The following HPSE2 variants were observed in gnomAD, a reference collection of about 807,000 sequenced individuals.
The protein encoded by HPSE2 is inactive heparanase-2.
Under a neutral mutation model 60.5 loss-of-function variants are expected in HPSE2, and 38 were observed. The observed-to-expected ratio is 0.63, with a 90% CI of 0.48 to 0.82. HPSE2 has a LOEUF of 0.82. HPSE2 is among the 40% of genes least tolerant of loss of function. HPSE2 has a pLI of 0.00. For synonymous variants in HPSE2, 295 were observed against 293.2 expected (o/e 1.01, Z -0.06); for missense variants, 713 against 740.4 (o/e 0.96, Z 0.43).
intron 3 of HPSE2, among the ~76,000 whole-genome samples, chr10:98,941,172 C>G (rs1163148983): frequency 2.2e-5 from 3 of 138,854 alleles, no homozygotes; most frequent in Non-Finnish European, 4.6e-5. Flanking sequence ...AAAACTGGCA[C>G]AAGACAGGGA....
intron 6 of HPSE2, among the ~76,000 whole-genome samples, chr10:98,693,640 T>G (rs535580687): frequency 3.9e-5 from 6 of 152,360 alleles, no homozygotes; most frequent in Admixed American, 6.5e-5. Flanking sequence ...GATGACAGAT[T>G]AATTTAAAAG....
intron 3 of HPSE2, among the ~76,000 whole-genome samples, chr10:99,041,978 A>C (rs899190564): frequency 6.6e-6 from 1 of 152,144 alleles, no homozygotes; most frequent in South Asian, 2.1e-4. Context: ...TATTACATAC[A>C]CACATATTTG....
chr10:98,820,736 A>C (rs1339950737), intron 3 of HPSE2, among the ~76,000 whole-genome samples: 1 of 152,208 alleles, frequency 6.6e-6, no homozygotes, highest in East Asian at 1.9e-4. Context: ...TATTATAGCC[A>C]GCAATTAGGT....
At chr10:98,639,690 G>A (rs1946588161) in intron 7 of HPSE2, among the ~76,000 whole-genome samples, 1 of 152,190 alleles carries the variant, frequency 6.6e-6, no homozygotes, top group Admixed American at 6.5e-5. Flanking sequence ...TATGGTTAAG[G>A]CATATGCAGT....
chr10:99,184,638 TA>T, intron 2 of HPSE2, among the ~76,000 whole-genome samples: 2 of 142,442 alleles, frequency 1.4e-5, no homozygotes, highest in East Asian at 4.2e-4. Flanking sequence ...TAATGAGAAC[TA>T]TAAAATGTAT....
intron 3 of HPSE2, among the ~76,000 whole-genome samples, chr10:98,766,956 C>A (rs1175642410): frequency 2.0e-5 from 3 of 151,966 alleles, no homozygotes; most frequent in Admixed American, 1.3e-4. Context: ...AAAAACCCCA[C>A]AATATTAACT....
At chr10:98,944,855 T>C (rs1955132680) in intron 3 of HPSE2, among the ~76,000 whole-genome samples, 3 of 152,158 alleles carry the variant, frequency 2.0e-5, no homozygotes, top group Admixed American at 2.0e-4. Context: ...TTCTCCACAC[T>C]GCTAACTTTG....
chr10:99,185,301 T>C (rs576294983), intron 2 of HPSE2, among the ~76,000 whole-genome samples: 32 of 150,034 alleles, frequency 2.1e-4, no homozygotes, highest in African/African-American at 6.6e-4. Flanking sequence ...AAAGACTCTG[T>C]CTCAAAAAAA....
At chr10:99,033,067 G>A (rs1237698730) in intron 3 of HPSE2, among the ~76,000 whole-genome samples, 2 of 152,182 alleles carry the variant, frequency 1.3e-5, no homozygotes, top group African/African-American at 4.8e-5. Flanking sequence ...TGGATATTGG[G>A]AATGGAGGAG....
At chr10:98,532,459 A>T (rs185130517) in intron 9 of HPSE2, among the ~76,000 whole-genome samples, 1 of 152,294 alleles carries the variant, frequency 6.6e-6, no homozygotes, top group African/African-American at 2.4e-5. Flanking sequence ...ACTTATCTGA[A>T]AAAACAAAGA....
intron 9 of HPSE2, among the ~76,000 whole-genome samples, chr10:98,537,763 C>A (rs1010738985): frequency 2.6e-5 from 4 of 152,190 alleles, no homozygotes; most frequent in Non-Finnish European, 5.9e-5. Context: ...CTCTGCTCCA[C>A]CAGCTTCTTG....
chr10:98,470,379 A>G (rs1940728511), intron 11 of HPSE2, among the ~76,000 whole-genome samples: 1 of 152,140 alleles, frequency 6.6e-6, no homozygotes, highest in South Asian at 2.1e-4. Context: ...AGGGAAGGCT[A>G]GTCTGCACGG....
chr10:98,466,212 T>C (rs1239334946), intron 11 of HPSE2, among the ~76,000 whole-genome samples: 1 of 152,202 alleles, frequency 6.6e-6, no homozygotes, highest in Non-Finnish European at 1.5e-5. Context: ...AGGGGATCTT[T>C]AGTGGGGAAT....
chr10:98,772,536 A>G (rs541065335), intron 3 of HPSE2, among the ~76,000 whole-genome samples: 2 of 152,216 alleles, frequency 1.3e-5, no homozygotes, highest in Non-Finnish European at 2.9e-5. Flanking sequence ...ACTAAGGAAA[A>G]GGAGAAAACA....
rs78786236 is a variant in HPSE2, at chr10:99,148,374, G to A, written c.449-3975C>T. 2.6e-5 allele frequency among the ~76,000 whole-genome samples: 4 copies of A among 152,266 alleles called. No homozygotes were observed. In the East Asian group the frequency reaches 7.7e-4, roughly 29 times the overall value. On this transcript the variant is annotated intron_variant, in intron 2 of 11. Transcript: ENST00000370552. ...ATAAAGAGTACCTATAATTATTTTT[G>A]TTATTAGTATCCTGCTTGTGGTATT...
intron 3 of HPSE2, among the ~76,000 whole-genome samples, chr10:98,911,479 G>C (rs190068411): frequency 6.6e-6 from 1 of 152,170 alleles, no homozygotes; most frequent in Non-Finnish European, 1.5e-5. Flanking sequence ...GGAGCTCACA[G>C]ACCAAAGAGG....
chr10:98,501,876 A>G (rs571920468), intron 9 of HPSE2, among the ~76,000 whole-genome samples: 5 of 152,206 alleles, frequency 3.3e-5, no homozygotes, highest in Non-Finnish European at 5.9e-5. Flanking sequence ...AATGTACACA[A>G]ATTGGTAGCT....
At chr10:98,926,542 C>A (rs974553165) in intron 3 of HPSE2, among the ~76,000 whole-genome samples, 2 of 152,054 alleles carry the variant, frequency 1.3e-5, no homozygotes, top group South Asian at 2.1e-4. Flanking sequence ...AAAGTTTGGT[C>A]CCCTTAAACT....
intron 3 of HPSE2, among the ~76,000 whole-genome samples, chr10:99,016,611 T>C (rs1056400422): frequency 3.2e-4 from 48 of 152,230 alleles, no homozygotes; most frequent in African/African-American, 1.1e-3. Context: ...ATCTATAAAT[T>C]GCTTTCGGCA....
Sources: gnomAD v4.1 joint callset for allele counts (sites outside exome capture counted in the v4.1 genomes callset) on GRCh38, gnomAD v4.1.1 for gene constraint, MANE v1.5 for transcripts, NCBI Gene and HGNC (gene_info 2026-07-23, HGNC 2026-07-21) for gene names.